ARHGAP15: variants seen among roughly 807,000 people sequenced by gnomAD.
ARHGAP15 encodes the protein rho GTPase-activating protein 15.
Under a neutral mutation model 63.7 loss-of-function variants are expected in ARHGAP15, and 51 were observed. The ratio of observed to expected loss-of-function variants is 0.80; its 90% CI spans 0.64 to 1.01. ARHGAP15 has a LOEUF of 1.01. ARHGAP15 is among the 50% of genes least tolerant of loss of function. The probability of loss-of-function intolerance (pLI) is 0.00; values close to 1 mark genes in which losing one functional copy is unlikely to be tolerated. For missense variants in ARHGAP15, 560 were observed against 564.6 expected (o/e 0.99, Z 0.08); for synonymous variants, 191 against 193.8 (o/e 0.99, Z 0.12).
intron 6 of ARHGAP15, among the ~76,000 whole-genome samples, chr2:143,414,091 T>A (rs976097604): frequency 6.6e-6 from 1 of 151,608 alleles, no homozygotes; most frequent in Non-Finnish European, 1.5e-5. Context: ...TTATTGCATA[T>A]ATTTAGGAAA....
intron 8 of ARHGAP15, among the ~76,000 whole-genome samples, chr2:143,472,296 AG>A (rs2105191855): frequency 6.6e-6 from 1 of 152,272 alleles, no homozygotes; most frequent in East Asian, 1.9e-4. Context: ...AATTATTATT[AG>A]GAGAAGTGGT....
intron 1 of ARHGAP15, among the ~76,000 whole-genome samples, chr2:143,154,848 A>G (rs1690016817): frequency 6.6e-6 from 1 of 151,982 alleles, no homozygotes; most frequent in African/African-American, 2.4e-5. Context: ...CTATTAAAAT[A>G]AATGGTGCTG....
chr2:143,525,880 G>A (rs916619572), intron 10 of ARHGAP15, among the ~76,000 whole-genome samples: 1 of 152,140 alleles, frequency 6.6e-6, no homozygotes, highest in Admixed American at 6.5e-5. Flanking sequence ...GGAGAGGCGG[G>A]GGAAAAGCTG....
At chr2:143,257,029 TAATA>T (rs1314486904) in intron 6 of ARHGAP15, among the ~76,000 whole-genome samples, 2 of 152,088 alleles carry the variant, frequency 1.3e-5, no homozygotes, top group East Asian at 3.9e-4. Flanking sequence ...TTCTAAGAAA[TAATA>T]AAACTTTTTT....
At chr2:143,740,550 T>C (rs1209273795) in intron 13 of ARHGAP15, among the ~76,000 whole-genome samples, 1 of 152,164 alleles carries the variant, frequency 6.6e-6, no homozygotes, top group African/African-American at 2.4e-5. Flanking sequence ...TAAGAAGCAA[T>C]ATTCTCACCA....
intron 8 of ARHGAP15, chr2:143,471,954 A>G (rs531584931): frequency 6.6e-6 from 1 of 152,122 alleles, no homozygotes; most frequent in East Asian, 1.9e-4. Flanking sequence ...CTACTCCCTT[A>G]CCCCCAACCG....
intron 2 of ARHGAP15, among the ~76,000 whole-genome samples, chr2:143,192,530 C>T: frequency 6.6e-6 from 1 of 152,210 alleles, no homozygotes; most frequent in Non-Finnish European, 1.5e-5. Context: ...TACTGTTGTT[C>T]TTACTTATGT....
chr2:143,493,571 T>C (rs1559008035), intron 9 of ARHGAP15, among the ~76,000 whole-genome samples: 1 of 152,202 alleles, frequency 6.6e-6, no homozygotes, highest in East Asian at 1.9e-4. Context: ...TTTCTTGCAT[T>C]CTGGGCCCTT....
At chr2:143,472,795 C>T (rs959410387) in intron 8 of ARHGAP15, among the ~76,000 whole-genome samples, 7 of 152,064 alleles carry the variant, frequency 4.6e-5, no homozygotes, top group African/African-American at 1.7e-4. Context: ...GTATTTAATC[C>T]TTGCAACATG....
chr2:143,414,329 T>C (rs1010440269), intron 6 of ARHGAP15, among the ~76,000 whole-genome samples: 1 of 151,924 alleles, frequency 6.6e-6, no homozygotes, highest in Non-Finnish European at 1.5e-5. Context: ...TTGACAATTA[T>C]AGCCAAAAAG....
At chr2:143,459,725 T>G (rs926090185) in intron 8 of ARHGAP15, among the ~76,000 whole-genome samples, 4 of 152,196 alleles carry the variant, frequency 2.6e-5, no homozygotes, top group African/African-American at 9.7e-5. Context: ...AATTGAAGTG[T>G]TTTTTGATCA....
intron 1 of ARHGAP15, among the ~76,000 whole-genome samples, chr2:143,131,409 A>G (rs1312791089): frequency 1.3e-5 from 2 of 152,314 alleles, no homozygotes; most frequent in East Asian, 3.9e-4. Context: ...TATTAAAGCT[A>G]ATTTGCTCAA....
rs186658921 is a variant in ARHGAP15, at chr2:143,435,923, T to G, written c.573+224T>G. The stretch of plus-strand genomic sequence containing the variant: ...TTCAAAAATATAGTGCATTCTTTCT[T>G]TTTTTCTGAAATAACATAGACATTC... On this transcript the variant is annotated intron_variant, in intron 7 of 13. Transcript: ENST00000295095. Among the ~76,000 whole-genome samples, 605 of 152,232 alleles carry G rather than the reference T, an allele frequency of 4.0e-3. 2 individuals are homozygous for G. Among genetic ancestry groups the G allele is most frequent in the Admixed American group, 8.7e-3 (133 of 15,272 alleles).
chr2:143,559,270 A>T (rs1262712603), intron 11 of ARHGAP15, among the ~76,000 whole-genome samples: 1 of 152,204 alleles, frequency 6.6e-6, no homozygotes, highest in Non-Finnish European at 1.5e-5. Flanking sequence ...GCAAAGAAAA[A>T]AATCTGCAAT....
chr2:143,301,852 AACATATATATGGAGAC>A (rs1387382279), intron 6 of ARHGAP15, among the ~76,000 whole-genome samples: 5 of 151,702 alleles, frequency 3.3e-5, no homozygotes, highest in Non-Finnish European at 5.9e-5. Context: ...ATATGGGGAC[AACATATATATGGAGAC>A]ACATATATAT....
intron 6 of ARHGAP15, among the ~76,000 whole-genome samples, chr2:143,322,663 A>G (rs13030950): frequency 0.24 from 35,859 of 152,128 alleles, 4,686 homozygotes; most frequent in East Asian, 0.45. Flanking sequence ...AAAAACCAAA[A>G]GTCAGCATTA....
In ARHGAP15 at chr2:143,223,878, C is replaced by T. The variant is rs1693098710; in HGVS notation, c.297-4703C>T. On this transcript the variant is annotated intron_variant, in intron 4 of 13. Coordinates refer to ENST00000295095, the MANE Select transcript of ARHGAP15 (RefSeq NM_018460.4). ...TTGGTTAGGATGCAACCTTACTGGGCTTCAGTTTTCTCTTCTGTAATATGG... is the reference window on the plus strand; with the variant it reads ...TTGGTTAGGATGCAACCTTACTGGGTTTCAGTTTTCTCTTCTGTAATATGG... 2.0e-5 allele frequency among the ~76,000 whole-genome samples: 3 copies of T among 152,260 alleles called. No individual in the cohort carries two copies. The South Asian group carries it at 6.2e-4, about 32-fold the overall frequency.
chr2:143,652,226 A>T (rs1681203432), intron 12 of ARHGAP15, among the ~76,000 whole-genome samples: 1 of 152,012 alleles, frequency 6.6e-6, no homozygotes, highest in Admixed American at 6.6e-5. Context: ...GGAGGGACAG[A>T]GAGTTGATAT....
chr2:143,322,822 C>G (rs1684084331), intron 6 of ARHGAP15, among the ~76,000 whole-genome samples: 1 of 152,170 alleles, frequency 6.6e-6, no homozygotes, highest in Admixed American at 6.5e-5. Context: ...GTCCTGATAA[C>G]TGGGAGAATG....
Sources: allele counts gnomAD v4.1 joint callset (sites outside exome capture counted in the v4.1 genomes callset), GRCh38; gene constraint gnomAD v4.1.1; transcripts MANE v1.5; gene names NCBI Gene and HGNC (gene_info 2026-07-23, HGNC 2026-07-21).